The following HDGFL3 variants were observed in gnomAD, a reference collection of about 807,000 sequenced individuals.
The protein encoded by HDGFL3 is hepatoma-derived growth factor-related protein 3.
HDGFL3 carries 6 observed loss-of-function variants against 27.6 expected under a neutral mutation model. That is an observed-to-expected ratio of 0.22 (90% CI 0.12 to 0.43). HDGFL3 has a LOEUF of 0.43. Among genes scored for constraint, HDGFL3 ranks in the 20% least tolerant of loss-of-function variants. The pLI, the probability that HDGFL3 is intolerant of heterozygous loss-of-function variation, is 1.00. For synonymous variants in HDGFL3, 88 were observed against 88.9 expected (o/e 0.99, Z 0.05); for missense variants, 207 against 250.1 (o/e 0.83, Z 1.16).
At chr15:83,122,108 C>A in intron 3 of HDGFL3, 2 of 938,948 alleles carry the variant, frequency 2.1e-6, no homozygotes, top group Non-Finnish European at 3.3e-6. Context: ...TGATTCCAAG[C>A]TTACTAAAAA....
rs145912682 is a variant in HDGFL3, at chr15:83,149,006, T to A, written c.606+2209A>T. 1.5e-3 allele frequency among the ~76,000 whole-genome samples: 229 copies of A among 152,244 alleles called. 2 individuals are homozygous for A. Among genetic ancestry groups the A allele is most frequent in the Non-Finnish European group, 1.4e-3 (92 of 68,016 alleles). On this transcript the variant is annotated intron_variant, in intron 5 of 5. Transcript: ENST00000299633. ...GTGATGTTCTAGTTTTTAGGTTCGG[T>A]GGTAGGGTCACTTTATAGCTTTATA...
intron 1 of HDGFL3, among the ~76,000 whole-genome samples, chr15:83,204,101 A>T (rs1331571132): frequency 6.6e-6 from 1 of 150,610 alleles, no homozygotes; most frequent in Non-Finnish European, 1.5e-5. Flanking sequence ...GGAGGACAGG[A>T]ATCTACCAGA....
chr15:83,183,793 C>T (rs2151417254), intron 1 of HDGFL3, among the ~76,000 whole-genome samples: 1 of 150,656 alleles, frequency 6.6e-6, no homozygotes, highest in East Asian at 2.0e-4. Flanking sequence ...TATCTTTTCC[C>T]ACTGCAAAGA....
chr15:83,144,133 C>A (rs1002106800), intron 5 of HDGFL3, among the ~76,000 whole-genome samples: 1 of 152,194 alleles, frequency 6.6e-6, no homozygotes, highest in Non-Finnish European at 1.5e-5. Flanking sequence ...TCAAGCAATT[C>A]TCCCGCCTCA....
At chr15:83,202,058 T>C (rs2037653331) in intron 1 of HDGFL3, among the ~76,000 whole-genome samples, 2 of 152,178 alleles carry the variant, frequency 1.3e-5, no homozygotes, top group Admixed American at 6.5e-5. Flanking sequence ...AATAAATTTA[T>C]CACCTTCTTA....
chr15:83,171,952 T>A (rs2037251806), intron 1 of HDGFL3, among the ~76,000 whole-genome samples: 1 of 152,178 alleles, frequency 6.6e-6, no homozygotes, highest in Non-Finnish European at 1.5e-5. Flanking sequence ...TATCTCCCCT[T>A]TTCTCCTCAT....
Position 83,137,116 on chromosome 15 carries a change from A to G in HDGFL3, c.*2154T>C, listed in dbSNP as rs1205169129. 6.6e-6 allele frequency: 1 copy of G among 152,322 alleles called. No homozygotes were observed. The highest frequency in any genetic ancestry group is 1.5e-5 in the Non-Finnish European group (1 of 68,110). The allele number at this position is 152,322 out of a possible 1,614,324, so 9.4% of individuals were successfully genotyped here. ...TATGCTTCATTATTAAACTCAATAT[A>G]AAAGGCAAATCATCAGAATATTTTT... On this transcript the variant is annotated 3_prime_UTR_variant, in exon 6 of 6. Transcript: ENST00000299633.
At chr15:83,139,434 G>C (rs576825324) in intron 5 of HDGFL3, among the ~76,000 whole-genome samples, 159 bp from the exon 6 acceptor site, 1 of 152,158 alleles carries the variant, frequency 6.6e-6, no homozygotes, top group Non-Finnish European at 1.5e-5. Flanking sequence ...CAGCTTCTGT[G>C]GCTTTGCTTT....
chr15:83,185,637 A>T (rs79326047), intron 1 of HDGFL3, among the ~76,000 whole-genome samples: 3,090 of 152,258 alleles, frequency 0.02, 105 homozygotes, highest in African/African-American at 0.07. Context: ...AGTTTTAGTG[A>T]CCACTTCAAG....
intron 1 of HDGFL3, among the ~76,000 whole-genome samples, chr15:83,191,465 T>G (rs181175740): frequency 6.6e-6 from 1 of 152,344 alleles, no homozygotes; most frequent in East Asian, 1.9e-4. Context: ...TTCTAAGATG[T>G]CAATTCTTCC....
chr15:83,158,533 C>T (rs908453135), intron 2 of HDGFL3, among the ~76,000 whole-genome samples: 1 of 152,222 alleles, frequency 6.6e-6, no homozygotes, highest in Non-Finnish European at 1.5e-5. Context: ...CCATGGTCAA[C>T]TGTGGTCCAA....
intron 3 of HDGFL3, among the ~76,000 whole-genome samples, chr15:83,117,592 C>T (rs150962308): frequency 0.013 from 1,946 of 151,884 alleles, 40 homozygotes; most frequent in African/African-American, 0.044. Flanking sequence ...AGGCGGCTGA[C>T]GAGAGGGCTG....
intron 3 of HDGFL3, chr15:83,122,742 C>A: frequency 6.2e-7 from 1 of 1,610,108 alleles, no homozygotes; most frequent in Non-Finnish European, 8.5e-7. Flanking sequence ...CTTTCTCTTT[C>A]TCTCTTTTAA....
chr15:83,142,388 G>C (rs191254823), intron 5 of HDGFL3, among the ~76,000 whole-genome samples: 2 of 152,286 alleles, frequency 1.3e-5, no homozygotes, highest in Non-Finnish European at 2.9e-5. Context: ...CATGCATAGA[G>C]CTAGAGGCCA....
At chr15:83,127,696 G>A (rs2035890566), downstream of HDGFL3, 1 of 441,254 alleles carries the variant, frequency 2.3e-6, no homozygotes, top group Non-Finnish European at 4.0e-6. Context: ...CACAGATGAG[G>A]AAGTTATCTG....
At chr15:83,160,547 T>G (rs912093750) in intron 2 of HDGFL3, among the ~76,000 whole-genome samples, 4 of 135,108 alleles carry the variant, frequency 3.0e-5, no homozygotes, top group Non-Finnish European at 6.4e-5. Context: ...GGAAATATTT[T>G]GGGGGGGGAA....
chr15:83,201,567 T>C (rs1271614350), intron 1 of HDGFL3, among the ~76,000 whole-genome samples: 1 of 152,212 alleles, frequency 6.6e-6, no homozygotes, highest in Non-Finnish European at 1.5e-5. Flanking sequence ...AAGCCTATAA[T>C]ACTTTTCTAA....
downstream of HDGFL3, chr15:83,127,232 A>G: frequency 1.1e-6 from 1 of 920,804 alleles, no homozygotes; most frequent in Non-Finnish European, 1.5e-6. Context: ...AAAAAAAAAA[A>G]AGAGTCCCAT....
At chr15:83,173,713 T>C (rs74773891) in intron 1 of HDGFL3, among the ~76,000 whole-genome samples, 7,540 of 152,276 alleles carry the variant, frequency 0.05, 493 homozygotes, top group African/African-American at 0.15. Flanking sequence ...CCCAAATCTC[T>C]ACCTCTAGCC....
Sources: allele counts gnomAD v4.1 joint callset (sites outside exome capture counted in the v4.1 genomes callset), GRCh38; gene constraint gnomAD v4.1.1; transcripts MANE v1.5; gene names NCBI Gene and HGNC (gene_info 2026-07-23, HGNC 2026-07-21).